The following HS6ST3 variants were observed in gnomAD, a reference collection of about 807,000 sequenced individuals.
HS6ST3 encodes heparan-sulfate 6-O-sulfotransferase 3.
Under a neutral mutation model 36.7 loss-of-function variants are expected in HS6ST3, and 12 were observed. The ratio of observed to expected loss-of-function variants is 0.33; its 90% CI spans 0.21 to 0.53. The LOEUF is 0.53. Ranked by LOEUF, HS6ST3 falls within the 20% of genes least tolerant of loss-of-function variation. HS6ST3 has a pLI of 0.95. For synonymous variants in HS6ST3, 240 were observed against 257.5 expected, an observed-to-expected ratio of 0.93 and a Z score of 0.65; for missense variants, 584 against 640.9, an observed-to-expected ratio of 0.91 and a Z score of 0.96.
At chr13:96,444,515 C>G (rs2055689049) in intron 1 of HS6ST3, among the ~76,000 whole-genome samples, 1 of 152,196 alleles carries the variant, frequency 6.6e-6, no homozygotes, top group African/African-American at 2.4e-5. Flanking sequence ...GTATAGCAAA[C>G]AGCCTAATAA....
At chr13:96,679,233 CA>C (rs1241400132) in intron 1 of HS6ST3, among the ~76,000 whole-genome samples, 1 of 151,300 alleles carries the variant, frequency 6.6e-6, no homozygotes, top group Non-Finnish European at 1.5e-5. Flanking sequence ...TTCGAAGCAT[CA>C]GTAGCATTTA....
At chr13:96,755,613 T>C (rs1876808295) in intron 1 of HS6ST3, among the ~76,000 whole-genome samples, 1 of 152,186 alleles carries the variant, frequency 6.6e-6, no homozygotes, top group Admixed American at 6.5e-5. Flanking sequence ...TCCACCTGCT[T>C]TGGCCTCCCA....
At chr13:96,749,759 G>A (rs1876653911) in intron 1 of HS6ST3, among the ~76,000 whole-genome samples, 1 of 151,940 alleles carries the variant, frequency 6.6e-6, no homozygotes, top group African/African-American at 2.4e-5. Flanking sequence ...ATCTTTTTGA[G>A]TCAATTTGTA....
chr13:96,224,174 G>T (rs1011761918), intron 1 of HS6ST3, among the ~76,000 whole-genome samples: 2 of 152,160 alleles, frequency 1.3e-5, no homozygotes, highest in Non-Finnish European at 2.9e-5. Flanking sequence ...ATCAGCCTCT[G>T]TGGTGCTTTC....
chr13:96,182,504 G>A (rs1255367525), intron 1 of HS6ST3, among the ~76,000 whole-genome samples: 1 of 152,148 alleles, frequency 6.6e-6, no homozygotes, highest in Non-Finnish European at 1.5e-5. Flanking sequence ...TTAAGTTTGT[G>A]AAGTAGAATG....
rs2053758642 is a variant in HS6ST3 at position 96,090,940 on chromosome 13, G to A, written c.78G>A (p.Val26=). ...LLFVVIMYQY[V]SPSCTSSCTN... is the part of the protein sequence containing the mutation. ...TCGTGGTCATCATGTACCAGTACGT[G>A]TCCCCCTCCTGCACCAGCTCCTGCA... Residue 26 remains valine (V), a synonymous_variant, in exon 1 of 2, where the codon GTG becomes GTA. Transcript: ENST00000376705. The A allele has an allele frequency of 2.0e-5, 29 of 1,482,896 alleles. No homozygotes were observed. Among genetic ancestry groups the A allele is most frequent in the Non-Finnish European group, 2.6e-5 (29 of 1,109,048 alleles). The allele number at this position is 1,482,896 out of a possible 1,614,324, so 91.9% of individuals were successfully genotyped here.
At chr13:96,654,311 A>G (rs2056617370) in intron 1 of HS6ST3, among the ~76,000 whole-genome samples, 1 of 152,130 alleles carries the variant, frequency 6.6e-6, no homozygotes, top group Admixed American at 6.6e-5. Flanking sequence ...GGTATTGCCT[A>G]GGTTTTCTTC....
chr13:96,745,363 G>A (rs1164994518), intron 1 of HS6ST3, among the ~76,000 whole-genome samples: 2 of 152,048 alleles, frequency 1.3e-5, no homozygotes, highest in Non-Finnish European at 1.5e-5. Flanking sequence ...GCAAAACAAC[G>A]GTAGTGACAA....
intron 1 of HS6ST3, among the ~76,000 whole-genome samples, chr13:96,172,621 A>G (rs1424733144): frequency 6.6e-6 from 1 of 152,132 alleles, no homozygotes; most frequent in African/African-American, 2.4e-5. Flanking sequence ...AATTGCTATT[A>G]TAAGTATTTT....
At chr13:96,500,084 ACTCTTCTCTGC>A (rs961594879) in intron 1 of HS6ST3, among the ~76,000 whole-genome samples, 1 of 151,794 alleles carries the variant, frequency 6.6e-6, no homozygotes, top group African/African-American at 2.4e-5. Flanking sequence ...ATCAGTCTCC[ACTCTTCTCTGC>A]CTCCTTCCTC....
intron 1 of HS6ST3, among the ~76,000 whole-genome samples, chr13:96,793,913 C>T (rs965696620): frequency 1.3e-5 from 2 of 152,004 alleles, no homozygotes; most frequent in Non-Finnish European, 1.5e-5. Context: ...AGTAATCCCT[C>T]AGGAGGAAAT....
chr13:96,686,208 A>G (rs758197979), intron 1 of HS6ST3, among the ~76,000 whole-genome samples: 39 of 151,812 alleles, frequency 2.6e-4, no homozygotes, highest in Admixed American at 6.6e-4. Context: ...CTTCCTCTTC[A>G]CCTATTTGTT....
At chr13:96,293,264 C>T (rs986268107) in intron 1 of HS6ST3, among the ~76,000 whole-genome samples, 3 of 151,966 alleles carry the variant, frequency 2.0e-5, no homozygotes, top group Admixed American at 1.3e-4. Flanking sequence ...TGTTTTGCTC[C>T]GATACCTTGA....
At chr13:96,317,343 T>A (rs1482739321) in intron 1 of HS6ST3, among the ~76,000 whole-genome samples, 3 of 18,132 alleles carry the variant, frequency 1.7e-4, no homozygotes, top group Non-Finnish European at 3.3e-4. Context: ...TATATATATA[T>A]ATATATATAT....
At chr13:96,494,301 C>A (rs890560486) in intron 1 of HS6ST3, among the ~76,000 whole-genome samples, 3 of 149,620 alleles carry the variant, frequency 2.0e-5, no homozygotes, top group Non-Finnish European at 4.4e-5. Flanking sequence ...GGACAAAAAA[C>A]CAAACACCGC....
At chr13:96,429,594 A>G (rs973145399) in intron 1 of HS6ST3, among the ~76,000 whole-genome samples, 1 of 152,192 alleles carries the variant, frequency 6.6e-6, no homozygotes, top group Non-Finnish European at 1.5e-5. Flanking sequence ...TCTAAAGAGT[A>G]CAGTGTTCTT....
At chr13:96,717,522 C>G (rs1029272698) in intron 1 of HS6ST3, among the ~76,000 whole-genome samples, 2 of 152,170 alleles carry the variant, frequency 1.3e-5, no homozygotes, top group African/African-American at 2.4e-5. Flanking sequence ...GCTAACCCTG[C>G]AAGCGTGTTT....
chr13:96,334,277 C>G (rs2055088160), intron 1 of HS6ST3, among the ~76,000 whole-genome samples: 1 of 152,096 alleles, frequency 6.6e-6, no homozygotes, highest in African/African-American at 2.4e-5. Context: ...GGGGTGGATC[C>G]TCCCAATAGT....
chr13:96,690,878 T>C (rs61395720), intron 1 of HS6ST3, among the ~76,000 whole-genome samples: 1 of 152,108 alleles, frequency 6.6e-6, no homozygotes, highest in Non-Finnish European at 1.5e-5. Context: ...TTTTAAATTT[T>C]TCCATCTCTA....
Sources: gnomAD v4.1 joint callset for allele counts (sites outside exome capture counted in the v4.1 genomes callset) on GRCh38, gnomAD v4.1.1 for gene constraint, MANE v1.5 for transcripts, NCBI Gene and HGNC (gene_info 2026-07-23, HGNC 2026-07-21) for gene names.